The following ARFGEF2 variants were observed in gnomAD, a reference collection of about 807,000 sequenced individuals.
ARFGEF2 encodes the protein brefeldin A-inhibited guanine nucleotide-exchange protein 2.
A neutral mutation model predicts 219.9 loss-of-function variants in ARFGEF2; 74 were observed. The ratio of observed to expected loss-of-function variants is 0.34; its 90% CI spans 0.28 to 0.41. ARFGEF2 has a LOEUF of 0.41. Among genes scored for constraint, ARFGEF2 ranks in the 10% least tolerant of loss-of-function variants. ARFGEF2 has a pLI of 1.00. For missense variants in ARFGEF2, 1,743 were observed against 2,218.3 expected, an observed-to-expected ratio of 0.79 and a Z score of 4.30; for synonymous variants, 733 against 799.2, an observed-to-expected ratio of 0.92 and a Z score of 1.40.
At position 49,018,904 on chromosome 20, in the gene ARFGEF2, G is replaced by T; in HGVS notation, c.4530G>T (p.Gln1510His). The T allele has an allele frequency of 6.2e-7, 1 of 1,613,998 alleles. No individual in the cohort carries two copies. The highest frequency in any genetic ancestry group is 8.5e-7 in the Non-Finnish European group (1 of 1,179,892). ...EKHLDVDLDR[Q>H]SLSSIDKNPS... is the part of the protein sequence containing the mutation. Reference sequence around the variant, plus strand: ...TTTAGGATGTGGATCTGGACCGCCAGTCTTTAAGCAGCATAGATAAAAATC... The same window carrying T: ...TTTAGGATGTGGATCTGGACCGCCATTCTTTAAGCAGCATAGATAAAAATC... Residue 1510 changes from glutamine to histidine, a missense_variant, in exon 34 of 39, where the codon CAG becomes CAT. Transcript: ENST00000371917.
chr20:48,946,951 G>A (rs2091032563), intron 3 of ARFGEF2, among the ~76,000 whole-genome samples: 1 of 152,012 alleles, frequency 6.6e-6, no homozygotes, highest in Non-Finnish European at 1.5e-5. Flanking sequence ...ACAGGTGTGT[G>A]CCGCCACACC....
At chr20:48,935,814 CG>C (rs1194633425) in intron 1 of ARFGEF2, among the ~76,000 whole-genome samples, 3 of 138,868 alleles carry the variant, frequency 2.2e-5, no homozygotes, top group Non-Finnish European at 3.1e-5. Flanking sequence ...GCTGGCCGGG[CG>C]GGGGGCTGAC....
chr20:48,988,188 C>T, intron 16 of ARFGEF2, 116 bp from the exon 17 acceptor site: 2 of 753,572 alleles, frequency 2.7e-6, no homozygotes, highest in Admixed American at 2.0e-5. Flanking sequence ...ACTCTTGCCT[C>T]ATTTGGAATC....
chr20:48,986,965 A>G (rs2091330039), intron 16 of ARFGEF2, among the ~76,000 whole-genome samples: 2 of 152,182 alleles, frequency 1.3e-5, no homozygotes, highest in Non-Finnish European at 2.9e-5. Context: ...TCAGCCTCCC[A>G]AAGTGGGGGA....
intron 6 of ARFGEF2, among the ~76,000 whole-genome samples, chr20:48,959,247 G>C (rs182517409): frequency 6.6e-6 from 1 of 152,096 alleles, no homozygotes; most frequent in East Asian, 1.9e-4. Flanking sequence ...GTGTACTTTG[G>C]AATGTATGAT....
At chr20:48,948,958 C>T (rs2091048134) in intron 3 of ARFGEF2, among the ~76,000 whole-genome samples, 1 of 152,202 alleles carries the variant, frequency 6.6e-6, no homozygotes, top group South Asian at 2.1e-4. Context: ...GTGCACCTCC[C>T]TGGAGAATAT....
chr20:49,005,352 T>A, intron 26 of ARFGEF2, 131 bp downstream of exon 26: 1 of 1,119,440 alleles, frequency 8.9e-7, no homozygotes, highest in Non-Finnish European at 1.3e-6. Context: ...GAATAGACTG[T>A]GATTCACATC....
intron 37 of ARFGEF2, among the ~76,000 whole-genome samples, chr20:49,029,496 T>C (rs536846330): frequency 3.9e-5 from 6 of 152,314 alleles, no homozygotes; most frequent in East Asian, 3.9e-4. Context: ...TGCAGACTTA[T>C]CAGGAGAAAA....
intron 34 of ARFGEF2, among the ~76,000 whole-genome samples, chr20:49,021,864 T>C (rs1421511439): frequency 1.0e-5 from 1 of 95,836 alleles, no homozygotes; most frequent in Non-Finnish European, 2.1e-5. Flanking sequence ...AAAAAAAGAA[T>C]TGTTGGCGAG....
At chr20:48,931,342 A>G (rs1165801742) in intron 1 of ARFGEF2, among the ~76,000 whole-genome samples, 2 of 152,062 alleles carry the variant, frequency 1.3e-5, no homozygotes, top group Non-Finnish European at 2.9e-5. Context: ...TCATTTTTTC[A>G]ACAAATGTTG....
At chr20:49,008,950 C>T (rs971397741) in intron 26 of ARFGEF2, among the ~76,000 whole-genome samples, 15 of 152,150 alleles carry the variant, frequency 9.9e-5, no homozygotes, top group African/African-American at 3.6e-4. Flanking sequence ...TCAAGTGATC[C>T]ACCTGCTTCG....
chr20:48,960,864 G>A (rs1378926968), intron 6 of ARFGEF2, among the ~76,000 whole-genome samples: 42 of 150,932 alleles, frequency 2.8e-4, no homozygotes, highest in African/African-American at 9.9e-4. Context: ...GGCAGATCAC[G>A]AGGTCAAGAG....
intron 21 of ARFGEF2, among the ~76,000 whole-genome samples, 190 bp from the exon 22 acceptor site, chr20:48,994,258 CATG>C (rs2123472122): frequency 6.6e-6 from 1 of 152,290 alleles, no homozygotes; most frequent in African/African-American, 2.4e-5. Context: ...TATTAAGTGA[CATG>C]GTGGGAGGAA....
intron 1 of ARFGEF2, among the ~76,000 whole-genome samples, chr20:48,925,485 A>C (rs2090870954): frequency 6.6e-6 from 1 of 152,186 alleles, no homozygotes; most frequent in Non-Finnish European, 1.5e-5. Context: ...TTCTGCTCTT[A>C]AACTATATGA....
intron 1 of ARFGEF2, among the ~76,000 whole-genome samples, chr20:48,923,844 C>G (rs142215377): frequency 2.8e-4 from 43 of 152,318 alleles, no homozygotes; most frequent in African/African-American, 9.9e-4. Flanking sequence ...GGGCCATTAA[C>G]GCTGAGAATT....
intron 3 of ARFGEF2, among the ~76,000 whole-genome samples, chr20:48,943,200 G>T (rs1453221437): frequency 6.6e-6 from 1 of 152,158 alleles, no homozygotes; most frequent in Non-Finnish European, 1.5e-5. Flanking sequence ...TGCCTTGTTT[G>T]ACCTCAGGAA....
chr20:49,009,663 ACT>A (rs1369324352), intron 26 of ARFGEF2, among the ~76,000 whole-genome samples: 1 of 152,210 alleles, frequency 6.6e-6, no homozygotes, highest in African/African-American at 2.4e-5. Flanking sequence ...TTCAGGTTTT[ACT>A]TTATAATAAT....
rs1270433333 is a variant in ARFGEF2 at position 49,023,096 on chromosome 20, T to C, written c.4670T>C (p.Leu1557Ser). ...CTCCTCATCAAGTGTGTGGTCCAGT[T>C]GGAATTGATACAGACCATTGACAAC... is the stretch of plus-strand genomic sequence containing the variant. Reference protein sequence around the residue: ...ASLLIKCVVQLELIQTIDNIV... With the variant: ...ASLLIKCVVQSELIQTIDNIV... Residue 1557 changes from leucine (L) to serine (S), a missense_variant, in exon 35 of 39, where the codon TTG becomes TCG. This residue lies in a region of ARFGEF2 where 578 missense variants were observed against 664.0 expected (regional missense o/e 0.87). Coordinates refer to ENST00000371917, the MANE Select transcript of ARFGEF2 (RefSeq NM_006420.3). 2 of 1,614,074 alleles carry C rather than the reference T, an allele frequency of 1.2e-6. No homozygotes were observed. The highest frequency in any genetic ancestry group is 1.7e-6 in the Non-Finnish European group (2 of 1,180,040).
At chr20:48,933,323 T>G (rs1043045630) in intron 1 of ARFGEF2, among the ~76,000 whole-genome samples, 4 of 152,050 alleles carry the variant, frequency 2.6e-5, no homozygotes, top group Non-Finnish European at 4.4e-5. Flanking sequence ...GGCTCAGGAG[T>G]GCTGGCCCTC....
Sources: allele counts gnomAD v4.1 joint callset (sites outside exome capture counted in the v4.1 genomes callset), GRCh38; gene constraint gnomAD v4.1.1; regional missense constraint gnomAD v4.1.1; transcripts MANE v1.5; gene names NCBI Gene and HGNC (gene_info 2026-07-23, HGNC 2026-07-21).